The following ST6GALNAC5 variants were observed in gnomAD, a reference collection of about 807,000 sequenced individuals.
ST6GALNAC5 encodes ST6 N-acetylgalactosaminide alpha-2,6-sialyltransferase 5.
A neutral mutation model predicts 33.6 loss-of-function variants in ST6GALNAC5; 27 were observed. The observed-to-expected ratio is 0.80, with a 90% CI of 0.59 to 1.11. The LOEUF is 1.11. Among genes scored for constraint, ST6GALNAC5 ranks in the 50% least tolerant of loss-of-function variants. The probability of loss-of-function intolerance (pLI) is 0.00; values close to 1 mark genes in which losing one functional copy is unlikely to be tolerated. For synonymous variants in ST6GALNAC5, 194 were observed against 171.2 expected, an observed-to-expected ratio of 1.13 and a Z score of -1.04; for missense variants, 428 against 454.0, an observed-to-expected ratio of 0.94 and a Z score of 0.52.
At chr1:77,002,142 C>T (rs1170060589) in intron 2 of ST6GALNAC5, among the ~76,000 whole-genome samples, 3 of 152,082 alleles carry the variant, frequency 2.0e-5, no homozygotes, top group Non-Finnish European at 2.9e-5. Flanking sequence ...GGTTGGTAAA[C>T]TATTGATTAT....
intron 2 of ST6GALNAC5, among the ~76,000 whole-genome samples, chr1:76,948,176 C>T (rs1455540074): frequency 6.6e-6 from 1 of 152,092 alleles, no homozygotes; most frequent in Non-Finnish European, 1.5e-5. Context: ...TCTATAAGGG[C>T]CAGGTTTAGA....
intron 2 of ST6GALNAC5, among the ~76,000 whole-genome samples, chr1:76,883,680 A>G (rs1258405658): frequency 6.6e-6 from 1 of 152,182 alleles, no homozygotes; most frequent in Non-Finnish European, 1.5e-5. Flanking sequence ...CAGGCTATTT[A>G]TTTGTTGTGA....
intron 2 of ST6GALNAC5, among the ~76,000 whole-genome samples, chr1:76,918,598 C>G (rs1034278620): frequency 2.6e-5 from 3 of 116,368 alleles, no homozygotes; most frequent in Admixed American, 2.4e-4. Flanking sequence ...AGCCTAGTGA[C>G]AGAGTGAGAC....
chr1:77,055,741 A>G (rs1380387621), intron 4 of ST6GALNAC5, among the ~76,000 whole-genome samples: 2 of 152,074 alleles, frequency 1.3e-5, no homozygotes, highest in African/African-American at 4.8e-5. Context: ...GCCTTGCCCC[A>G]TCTCACTGAT....
At position 76,966,085 on chromosome 1, in the gene ST6GALNAC5, T is replaced by C. The variant is rs139001407; in HGVS notation, c.262-78119T>C. Among the ~76,000 whole-genome samples, 480 of 152,346 alleles carry C rather than the reference T, an allele frequency of 3.2e-3. 3 individuals carry two copies. The highest frequency in any genetic ancestry group is 0.011 in the African/African-American group (461 of 41,584). ...TTTTTGCTTAGGATTGTCTTGGCAA[T>C]GTGGGCTCCTTTTTGGATCCATATG... On this transcript the variant is annotated intron_variant, in intron 2 of 4. Transcript: ENST00000477717.
Position 76,941,512 on chromosome 1 carries a change from C to A in ST6GALNAC5, c.261+72770C>A, listed in dbSNP as rs146959878. On this transcript the variant is annotated intron_variant, in intron 2 of 4. Transcript: ENST00000477717. ...TAATCACTAGAACCTATAAATGTAG[C>A]CTTTTTCAGAAAAAGGGTCATTGCA... Among the ~76,000 whole-genome samples, 729 of 152,162 alleles carry A rather than the reference C, an allele frequency of 4.8e-3. 5 individuals are homozygous for A. Among genetic ancestry groups the A allele is most frequent in the African/African-American group, 0.017 (695 of 41,554 alleles).
At chr1:76,989,265 T>C (rs895231110) in intron 2 of ST6GALNAC5, among the ~76,000 whole-genome samples, 21 of 152,212 alleles carry the variant, frequency 1.4e-4, no homozygotes, top group African/African-American at 5.1e-4. Context: ...ATTTTGTTTT[T>C]ATTTCCTTAA....
At chr1:77,049,519 A>G (rs767141728) in intron 3 of ST6GALNAC5, among the ~76,000 whole-genome samples, 1 of 152,162 alleles carries the variant, frequency 6.6e-6, no homozygotes, top group Admixed American at 6.6e-5. Context: ...ATATGGTAGA[A>G]GCTCATTACA....
chr1:77,010,320 C>T (rs954959631), intron 2 of ST6GALNAC5, among the ~76,000 whole-genome samples: 1 of 152,082 alleles, frequency 6.6e-6, no homozygotes, highest in Non-Finnish European at 1.5e-5. Flanking sequence ...CATGGTGAAA[C>T]CCCATCTCTA....
intron 4 of ST6GALNAC5, among the ~76,000 whole-genome samples, chr1:77,051,145 G>A (rs1652203868): frequency 6.6e-6 from 1 of 152,194 alleles, no homozygotes; most frequent in Non-Finnish European, 1.5e-5. Context: ...TTTTTAAATT[G>A]TGTGCTTACT....
At chr1:77,041,035 G>A (rs1466497503) in intron 2 of ST6GALNAC5, among the ~76,000 whole-genome samples, 2 of 152,090 alleles carry the variant, frequency 1.3e-5, no homozygotes, top group Admixed American at 6.5e-5. Flanking sequence ...TCCTCAATCC[G>A]ACCACGATCA....
intron 2 of ST6GALNAC5, among the ~76,000 whole-genome samples, chr1:76,897,858 C>T (rs1364952831): frequency 2.0e-5 from 3 of 152,120 alleles, no homozygotes; most frequent in African/African-American, 7.2e-5. Flanking sequence ...GCCGTCAATA[C>T]CCACAACAGT....
In ST6GALNAC5 at chr1:76,894,945, G is replaced by C. The variant is rs149707643; in HGVS notation, c.261+26203G>C. 6.0e-3 allele frequency among the ~76,000 whole-genome samples: 918 copies of C among 152,216 alleles called. 8 individuals carry two copies. Among genetic ancestry groups the C allele is most frequent in the African/African-American group, 0.021 (863 of 41,544 alleles). On this transcript the variant is annotated intron_variant, in intron 2 of 4. Coordinates refer to ENST00000477717, the MANE Select transcript of ST6GALNAC5 (RefSeq NM_030965.3). The stretch of plus-strand genomic sequence containing the variant: ...GAGATAAGGATGGGGCCATTTTATA[G>C]GATTTGGGTAGATAAAGGAAAATTA...
At chr1:76,980,735 G>C (rs1233012353) in intron 2 of ST6GALNAC5, among the ~76,000 whole-genome samples, 1 of 152,062 alleles carries the variant, frequency 6.6e-6, no homozygotes, top group Non-Finnish European at 1.5e-5. Context: ...ATGAATCAAA[G>C]AGCTAAATGT....
chr1:77,001,808 A>G (rs985736101), intron 2 of ST6GALNAC5, among the ~76,000 whole-genome samples: 1 of 151,090 alleles, frequency 6.6e-6, no homozygotes. Context: ...ATTTGCGTAT[A>G]TTGAACCAGC....
chr1:76,916,032 G>T (rs1330412030), intron 2 of ST6GALNAC5, among the ~76,000 whole-genome samples: 1 of 151,264 alleles, frequency 6.6e-6, no homozygotes, highest in African/African-American at 2.4e-5. Context: ...AAAACTCATT[G>T]AAATACTCCT....
chr1:76,995,102 A>T (rs1472583860), intron 2 of ST6GALNAC5, among the ~76,000 whole-genome samples: 7 of 152,200 alleles, frequency 4.6e-5, no homozygotes, highest in Non-Finnish European at 4.4e-5. Context: ...ATTATATAAA[A>T]TTTAATATGT....
At chr1:76,884,597 C>T (rs1395561303) in intron 2 of ST6GALNAC5, among the ~76,000 whole-genome samples, 1 of 152,194 alleles carries the variant, frequency 6.6e-6, no homozygotes, top group Non-Finnish European at 1.5e-5. Flanking sequence ...TAATTAGAAC[C>T]AGAACCAAGA....
At chr1:76,981,736 G>A (rs1649259994) in intron 2 of ST6GALNAC5, among the ~76,000 whole-genome samples, 1 of 152,168 alleles carries the variant, frequency 6.6e-6, no homozygotes, top group East Asian at 1.9e-4. Context: ...CTCCCAGTAG[G>A]GGCCAACAGA....
Sources: gnomAD v4.1 joint callset for allele counts (sites outside exome capture counted in the v4.1 genomes callset) on GRCh38, gnomAD v4.1.1 for gene constraint, MANE v1.5 for transcripts, NCBI Gene and HGNC (gene_info 2026-07-23, HGNC 2026-07-21) for gene names.